RND3: variants seen among roughly 807,000 people sequenced by gnomAD.
The protein encoded by RND3 is Rho family GTPase 3.
RND3 carries 8 observed loss-of-function variants against 26.5 expected under a neutral mutation model. The observed-to-expected ratio is 0.30, with a 90% CI of 0.18 to 0.54. RND3 has a LOEUF of 0.54. Ranked by LOEUF, RND3 falls within the 20% of genes least tolerant of loss-of-function variation. RND3 has a pLI of 0.94. For missense variants in RND3, 207 were observed against 302.8 expected (o/e 0.68, Z 2.35); for synonymous variants, 113 against 113.0 (o/e 1.00, Z 0.00).
rs1397216920 is a variant in RND3, at chr2:150,486,220, C to T, written c.238+474G>A. 6.6e-6 allele frequency among the ~76,000 whole-genome samples: 1 copy of T among 152,070 alleles called. No individual in the cohort carries two copies. Among genetic ancestry groups the T allele is most frequent in the Non-Finnish European group, 1.5e-5 (1 of 68,010 alleles). On this transcript the variant is annotated intron_variant, in intron 3 of 5. Coordinates refer to ENST00000263895, the MANE Select transcript of RND3 (RefSeq NM_005168.5). The surrounding 1 kb of genome is among the most constrained non-coding windows in gnomAD (Gnocchi z 4.5). ...CTTTCCCTCAACAGCGGCAATTGCA[C>T]GTAACCGCGTCGCCTCTGGGATTTT...
At chr2:150,471,810 C>G in intron 4 of RND3, 49 bp from the exon 5 acceptor site, 1 of 1,481,218 alleles carries the variant, frequency 6.8e-7, no homozygotes, top group Non-Finnish European at 9.3e-7. Context: ...GTAACGGTAT[C>G]CATATCATGA....
At chr2:150,472,789 C>T (rs972893260) in intron 4 of RND3, among the ~76,000 whole-genome samples, 1 of 152,062 alleles carries the variant, frequency 6.6e-6, no homozygotes, top group Non-Finnish European at 1.5e-5. Context: ...TCACAGAATA[C>T]TGGGGGTGAT....
At chr2:150,476,673 T>G (rs1173876164) in intron 3 of RND3, among the ~76,000 whole-genome samples, 3 of 152,134 alleles carry the variant, frequency 2.0e-5, no homozygotes, top group Admixed American at 6.5e-5. Context: ...CTTAAAGCGT[T>G]TAGAGTTTAA....
rs886440176 is a variant in RND3 at position 150,486,306 on chromosome 2, C to T, written c.238+388G>A. Among the ~76,000 whole-genome samples the T allele has an allele frequency of 6.6e-6, 1 of 152,190 alleles. No homozygotes were observed. The highest frequency in any genetic ancestry group is 6.5e-5 in the Admixed American group (1 of 15,286). The stretch of plus-strand genomic sequence containing the variant: ...CTCCCCGCCAACCAGCAGGTTAGAT[C>T]TAGGAGGGGCGCCCGCCTTGAGCCG... On this transcript the variant is annotated intron_variant, in intron 3 of 5. Coordinates refer to ENST00000263895, the MANE Select transcript of RND3 (RefSeq NM_005168.5). This position sits in a 1 kb window ranked among gnomAD's most constrained non-coding sequence, Gnocchi z 4.5.
chr2:150,475,052 C>A, intron 3 of RND3, 68 bp from the exon 4 acceptor site: 3 of 916,278 alleles, frequency 3.3e-6, no homozygotes, highest in South Asian at 2.8e-5. Flanking sequence ...ATTAACTCTA[C>A]CCTTTCCGGC....
At chr2:150,475,970 G>A (rs1410607019) in intron 3 of RND3, among the ~76,000 whole-genome samples, 1 of 152,114 alleles carries the variant, frequency 6.6e-6, no homozygotes, top group Non-Finnish European at 1.5e-5. Flanking sequence ...AATTACATGA[G>A]GCCTATAGTT....
At position 150,487,474 on chromosome 2, in the gene RND3, A is replaced by AAATATATATATATATAT; in HGVS notation, c.-38-20_-38-19insATATATATATATATATT. ...ATTTTCTCTTAAGAAGAAAAAAAAAAATATATATATATATATATATTTCTC... is the reference window on the plus strand; with the variant it reads ...ATTTTCTCTTAAGAAGAAAAAAAAAAAATATATATATATATATATATATATATATATATATATTTCTC... On this transcript the variant is annotated intron_variant, in intron 1 of 5. Transcript: ENST00000263895. 2.4e-3 allele frequency: 487 copies of AAATATATATATATATAT among 200,696 alleles called. 2 individuals are homozygous for AAATATATATATATATAT. Among genetic ancestry groups the AAATATATATATATATAT allele is most frequent in the Admixed American group, 3.0e-3 (42 of 13,820 alleles). 12.4% of individuals were successfully genotyped at this position (200,696 alleles called of 1,614,324 possible).
chr2:150,473,736 C>T (rs2105217197), intron 4 of RND3, among the ~76,000 whole-genome samples: 1 of 152,300 alleles, frequency 6.6e-6, no homozygotes, highest in African/African-American at 2.4e-5. Flanking sequence ...ATCCTGATTT[C>T]ACAATGACAC....
chr2:150,487,474 A>AAAAAATATATATATATATAT lies in RND3; in HGVS notation c.-38-20_-38-19insATATATATATATATATTTTT. ...ATTTTCTCTTAAGAAGAAAAAAAAA[A>AAAAAATATATATATATATAT]ATATATATATATATATATATTTCTC... On this transcript the variant is annotated intron_variant, in intron 1 of 5. Coordinates refer to ENST00000263895, the MANE Select transcript of RND3 (RefSeq NM_005168.5). The AAAAAATATATATATATATAT allele has an allele frequency of 5.6e-4, 113 of 200,766 alleles. 1 individual carries two copies. Among genetic ancestry groups the AAAAAATATATATATATATAT allele is most frequent in the East Asian group, 6.1e-4 (5 of 8,246 alleles). 12.4% of individuals were successfully genotyped at this position (200,766 alleles called of 1,614,324 possible). A position where few individuals can be genotyped will look rare whatever the true frequency, so the allele number is the denominator to read the frequency against.
At chr2:150,476,744 A>C (rs1220020850) in intron 3 of RND3, among the ~76,000 whole-genome samples, 1 of 152,232 alleles carries the variant, frequency 6.6e-6, no homozygotes, top group Non-Finnish European at 1.5e-5. Flanking sequence ...GAAAATGACA[A>C]GCTGTGGCTG....
intron 3 of RND3, among the ~76,000 whole-genome samples, chr2:150,477,724 G>A (rs1263186171): frequency 6.6e-6 from 1 of 152,128 alleles, no homozygotes; most frequent in East Asian, 1.9e-4. Flanking sequence ...AGATTTTCAG[G>A]GAAGTTTGTA....
rs1259027304 is a variant in RND3 at position 150,469,809 on chromosome 2, C to T, written c.*178G>A. ...TCTTCCATGTATTCACTTCTCATCACTTGGTCTACATGCCGAACCTAAGGT... is the reference window on the plus strand; with the variant it reads ...TCTTCCATGTATTCACTTCTCATCATTTGGTCTACATGCCGAACCTAAGGT... On this transcript the variant is annotated 3_prime_UTR_variant, in exon 6 of 6. Coordinates refer to ENST00000263895, the MANE Select transcript of RND3 (RefSeq NM_005168.5). 1 of 633,390 alleles carries T rather than the reference C, an allele frequency of 1.6e-6. No individual in the cohort carries two copies. The highest frequency in any genetic ancestry group is 2.8e-5 in the East Asian group (1 of 36,284). The allele number at this position is 633,390 out of a possible 1,614,324, so 39.2% of individuals were successfully genotyped here.
At chr2:150,472,992 TCCTC>T (rs555276574) in intron 4 of RND3, among the ~76,000 whole-genome samples, 63 of 151,130 alleles carry the variant, frequency 4.2e-4, no homozygotes, top group African/African-American at 7.3e-4. Context: ...ATTCCTCCCT[TCCTC>T]CCTCCCTCCC....
intron 1 of RND3, 39 bp from the exon 2 acceptor site, chr2:150,487,494 T>TATA: frequency 2.8e-6 from 1 of 357,584 alleles, no homozygotes; most frequent in African/African-American, 2.2e-5. Flanking sequence ...TATATATATA[T>TATA]TTCTCTCTTT....
Position 150,469,765 on chromosome 2 carries a change from T to C in RND3, c.*222A>G, listed in dbSNP as rs1366653933. ...TATCTCTCATTTTTTGGCATATTTT[T>C]CAAGTCACACTTAAAAACTCTTCCA... On this transcript the variant is annotated 3_prime_UTR_variant, in exon 6 of 6. Transcript: ENST00000263895. The C allele has an allele frequency of 1.9e-6, 1 of 522,380 alleles. No homozygotes were observed. The highest frequency in any genetic ancestry group is 3.3e-6 in the Non-Finnish European group (1 of 298,650). 32.4% of individuals were successfully genotyped at this position (522,380 alleles called of 1,614,324 possible).
At chr2:150,480,623 C>T (rs1573955966) in intron 3 of RND3, among the ~76,000 whole-genome samples, 1 of 150,180 alleles carries the variant, frequency 6.7e-6, no homozygotes, top group South Asian at 2.1e-4. Context: ...TAGCAAGAAA[C>T]CAGATTGGAA....
chr2:150,487,243 G>A (rs769482725), intron 2 of RND3, 25 bp downstream of exon 2: 2 of 1,556,184 alleles, frequency 1.3e-6, no homozygotes, highest in Admixed American at 3.7e-5. Context: ...ACCCCCTCGT[G>A]GAAGCCGCGG....
intron 4 of RND3, 78 bp downstream of exon 4, chr2:150,474,797 T>C: frequency 1.2e-6 from 1 of 808,086 alleles, no homozygotes; most frequent in Non-Finnish European, 2.1e-6. Flanking sequence ...TTAGAGTCTT[T>C]GAGCTTCCCA....
chr2:150,478,811 G>A (rs1214878876), intron 3 of RND3, among the ~76,000 whole-genome samples: 2 of 152,080 alleles, frequency 1.3e-5, no homozygotes, highest in Admixed American at 1.3e-4. Context: ...TTTAGGGACT[G>A]CGTTTGGCTT....
Sources: gnomAD v4.1 joint callset for allele counts (sites outside exome capture counted in the v4.1 genomes callset) on GRCh38, gnomAD v4.1.1 for gene constraint, Gnocchi (gnomAD v3.1) non-coding constraint, MANE v1.5 for transcripts, NCBI Gene and HGNC (gene_info 2026-07-23, HGNC 2026-07-21) for gene names.